The following MGAT4B variants were observed in gnomAD, a reference collection of about 807,000 sequenced individuals.
MGAT4B encodes the protein alpha-1,3-mannosyl-glycoprotein 4-beta-N-acetylglucosaminyltransferase B, also known as N-acetylglucosaminyltransferase IVb.
Under a neutral mutation model 73.9 loss-of-function variants are expected in MGAT4B, and 38 were observed. The observed-to-expected ratio is 0.51, with a 90% CI of 0.40 to 0.67. The LOEUF (loss-of-function observed/expected upper bound fraction) is 0.67. Among genes scored for constraint, MGAT4B ranks in the 30% least tolerant of loss-of-function variants. The pLI is 0.00. For missense variants in MGAT4B, 686 were observed against 735.2 expected, an observed-to-expected ratio of 0.93 and a Z score of 0.77; for synonymous variants, 373 against 313.5, an observed-to-expected ratio of 1.19 and a Z score of -2.01.
chr5:179,799,381 T>C lies in MGAT4B; in HGVS notation c.1042-71A>G, dbSNP rs935619084. ...CCTCAACACGGCCTCTCCTGGGGACTACCAGGGCCCTCCCACAGCTGACAG... is the reference window on the plus strand; with the variant it reads ...CCTCAACACGGCCTCTCCTGGGGACCACCAGGGCCCTCCCACAGCTGACAG... On this transcript the variant is annotated intron_variant, in intron 9 of 14. Coordinates refer to ENST00000292591, the MANE Select transcript of MGAT4B (RefSeq NM_014275.5). 8 of 1,598,868 alleles carry C rather than the reference T, an allele frequency of 5.0e-6. No homozygotes were observed. In the African/African-American group the frequency reaches 1.1e-4, roughly 21 times the overall value.
chr5:179,800,131 G>C (rs1219452217), intron 7 of MGAT4B, 53 bp downstream of exon 7: 1 of 1,609,862 alleles, frequency 6.2e-7, no homozygotes, highest in Non-Finnish European at 8.5e-7. Context: ...CAGACCCATC[G>C]CAGGGCAGGG....
intron 11 of MGAT4B, 46 bp downstream of exon 11, chr5:179,798,882 C>T: frequency 6.2e-7 from 1 of 1,604,098 alleles, no homozygotes; most frequent in Non-Finnish European, 8.5e-7. Flanking sequence ...ACCCTGGGGG[C>T]CACCCAGCCC....
intron 11 of MGAT4B, 41 bp downstream of exon 11, chr5:179,798,887 C>G: frequency 6.2e-7 from 1 of 1,608,000 alleles, no homozygotes; most frequent in Admixed American, 1.7e-5. Context: ...GGGGGCCACC[C>G]AGCCCCGCCC....
Position 179,801,240 on chromosome 5 carries a change from C to G in MGAT4B, c.558+94G>C. The G allele has an allele frequency of 6.9e-7, 1 of 1,456,960 alleles. No individual in the cohort carries two copies. The highest frequency in any genetic ancestry group is 9.1e-7 in the Non-Finnish European group (1 of 1,099,036). 90.3% of individuals were successfully genotyped at this position (1,456,960 alleles called of 1,614,324 possible). A position where few individuals can be genotyped will look rare whatever the true frequency, so the allele number is the denominator to read the frequency against. ...CGAATGAAACTAGCAACTGAACTTC[C>G]GACAGCTTTCTCCTCGGAATGGTTC... On this transcript the variant is annotated intron_variant, in intron 4 of 14. Coordinates refer to ENST00000292591, the MANE Select transcript of MGAT4B (RefSeq NM_014275.5). The surrounding 1 kb of genome is among the most constrained non-coding windows in gnomAD (Gnocchi z 4.8).
intron 8 of MGAT4B, 50 bp downstream of exon 8, chr5:179,799,904 C>G: frequency 1.3e-6 from 2 of 1,513,126 alleles, no homozygotes; most frequent in Non-Finnish European, 1.8e-6. Flanking sequence ...GAGAGGATGG[C>G]AGAGGCAGGT....
chr5:179,798,306 C>T (rs377397954), intron 13 of MGAT4B, 29 bp from the exon 14 acceptor site: 2 of 1,612,704 alleles, frequency 1.2e-6, no homozygotes, highest in East Asian at 2.2e-5. Flanking sequence ...GAGAGGGTGT[C>T]CCTGAACCCC....
chr5:179,797,747 CG>C lies in MGAT4B; in HGVS notation c.*297del. ...ATTCCAGTGTTCGCGCCAGAGACGG[CG>C]GGCGCCCAAGTAAAAGCTCTTCTAA... is the stretch of plus-strand genomic sequence containing the variant. On this transcript the variant is annotated 3_prime_UTR_variant, in exon 15 of 15. Coordinates refer to ENST00000292591, the MANE Select transcript of MGAT4B (RefSeq NM_014275.5). 2.6e-6 allele frequency: 1 copy of C among 383,010 alleles called. No homozygotes were observed. The highest frequency in any genetic ancestry group is 4.7e-6 in the Non-Finnish European group (1 of 213,356). The allele number at this position is 383,010 out of a possible 1,614,324, so 23.7% of individuals were successfully genotyped here. A position where few individuals can be genotyped will look rare whatever the true frequency, so the allele number is the denominator to read the frequency against.
chr5:179,806,701 C>A lies in MGAT4B; in HGVS notation c.-118G>T, dbSNP rs1426847862. On this transcript the variant is annotated 5_prime_UTR_variant, in exon 1 of 15. Coordinates refer to ENST00000292591, the MANE Select transcript of MGAT4B (RefSeq NM_014275.5). The surrounding 1 kb of genome is among the most constrained non-coding windows in gnomAD (Gnocchi z 4.6). ...GGCGGCAGGGGCCCCGGCCCCGGGT[C>A]GGGGAGGGGCGGGGGGCCCGGGGCC... is the stretch of plus-strand genomic sequence containing the variant. 4 of 94,580 alleles carry A rather than the reference C, an allele frequency of 4.2e-5. No homozygotes were observed. In the South Asian group the frequency reaches 1.2e-3, roughly 28 times the overall value. The allele number at this position is 94,580 out of a possible 1,614,324, so 5.9% of individuals were successfully genotyped here. A position where few individuals can be genotyped will look rare whatever the true frequency, so the allele number is the denominator to read the frequency against.
rs1052279413 is a variant in MGAT4B at position 179,797,806 on chromosome 5, G to A, written c.*239C>T. On this transcript the variant is annotated 3_prime_UTR_variant, in exon 15 of 15. Transcript: ENST00000292591. ...TGACTGGGGCAGGCCGGGTGCGAAC[G>A]GTTCCGGGCCTCAGGCACAGTGTGG... is the stretch of plus-strand genomic sequence containing the variant. 31 of 500,194 alleles carry A rather than the reference G, an allele frequency of 6.2e-5. No homozygotes were observed. Among genetic ancestry groups the A allele is most frequent in the Non-Finnish European group, 8.0e-5 (23 of 288,414 alleles). 31.0% of individuals were successfully genotyped at this position (500,194 alleles called of 1,614,324 possible).
At chr5:179,802,012 CCA>C in intron 1 of MGAT4B, 43 bp from the exon 2 acceptor site, 1 of 1,613,290 alleles carries the variant, frequency 6.2e-7, no homozygotes, top group Non-Finnish European at 8.5e-7. Flanking sequence ...CGGTCTAGAG[CCA>C]CCCTACGGGC....
chr5:179,805,353 C>T (rs1286650434), intron 1 of MGAT4B: 1 of 152,370 alleles, frequency 6.6e-6, no homozygotes, highest in Non-Finnish European at 1.5e-5. Flanking sequence ...GGTGACACAC[C>T]CTACCTACAG....
rs748605549 is a variant in MGAT4B, at chr5:179,798,397, C to T, written c.1460G>A (p.Arg487His). The change falls in exon 13 of 15, where the codon CGC becomes CAC. Residue 487 changes from arginine to histidine, a missense_variant. Coordinates refer to ENST00000292591, the MANE Select transcript of MGAT4B (RefSeq NM_014275.5). ...QSDKEALQEG[R>H]TATLRYPRSP... Reference sequence around the variant, plus strand: ...CCGAGGGTACCGGAGGGTGGCGGTGCGGCCCTCCTGCAGGGCCTCCTTGTC... The same window carrying T: ...CCGAGGGTACCGGAGGGTGGCGGTGTGGCCCTCCTGCAGGGCCTCCTTGTC... 4.5e-5 allele frequency: 73 copies of T among 1,612,488 alleles called. No individual in the cohort carries two copies. The highest frequency in any genetic ancestry group is 2.5e-4 in the Admixed American group (15 of 59,966).
At chr5:179,798,462 G>T in intron 12 of MGAT4B, 28 bp from the exon 13 acceptor site, 1 of 1,613,084 alleles carries the variant, frequency 6.2e-7, no homozygotes, top group Non-Finnish European at 8.5e-7. Context: ...GGCTGAGGCA[G>T]GTGGTCACAG....
Position 179,797,973 on chromosome 5 carries a change from G to GA in MGAT4B, c.*71dup. 1 of 1,546,360 alleles carries GA rather than the reference G, an allele frequency of 6.5e-7. No homozygotes were observed. Among genetic ancestry groups the GA allele is most frequent in the Non-Finnish European group, 8.8e-7 (1 of 1,138,778 alleles). On this transcript the variant is annotated 3_prime_UTR_variant, in exon 15 of 15. Transcript: ENST00000292591. Reference sequence around the variant, plus strand: ...GCGGGGCCGTATCTGGCCCTCCGGGGACGGCAGTGACGACACCCCCAGAAA... The same window carrying GA: ...GCGGGGCCGTATCTGGCCCTCCGGGGAACGGCAGTGACGACACCCCCAGAAA...
Position 179,801,671 on chromosome 5 carries a change from T to C in MGAT4B, c.307A>G (p.Asn103Asp), listed in dbSNP as rs1292320670. 3.7e-6 allele frequency: 6 copies of C among 1,608,046 alleles called. No individual in the cohort carries two copies. In the East Asian group the frequency reaches 1.3e-4, roughly 36 times the overall value. ...LTEDPRLKPWNGSHRHVLHLP... is the reference protein window; with the variant it reads ...LTEDPRLKPWDGSHRHVLHLP... ...TGCAGCACGTGCCGGTGTGAGCCGT[T>C]CCACGGCTTCAATCGGGGGTCCTCT... The change falls in exon 3 of 15, where the codon AAC becomes GAC. Residue 103 changes from asparagine (N) to aspartate (D), a missense_variant. Asn to Asp is a conservative substitution (Grantham distance 23, BLOSUM62 1). Around this residue, in one of 2 missense-constraint regions of MGAT4B, gnomAD observed 237 missense variants for 198.5 expected, o/e 1.19. Transcript: ENST00000292591. The surrounding 1 kb of genome is among the most constrained non-coding windows in gnomAD (Gnocchi z 4.8).
Position 179,800,046 on chromosome 5 carries a change from T to C in MGAT4B, c.818A>G (p.Lys273Arg). 6.2e-7 allele frequency: 1 copy of C among 1,614,018 alleles called. No individual in the cohort carries two copies. Among genetic ancestry groups the C allele is most frequent in the South Asian group, 1.1e-5 (1 of 91,090 alleles). The change falls in exon 8 of 15, where the codon AAG (lysine) becomes AGG (arginine). Residue 273 changes from lysine (K) to arginine (R), a missense_variant. Transcript: ENST00000292591. ...CTTCATGGTGCTCAGGTAGTTGGGC[T>C]TGGCCACGATGTCATCCTCCAGCTG... ...YVQLEDDIVAKPNYLSTMKNF... is the reference protein window; with the variant it reads ...YVQLEDDIVARPNYLSTMKNF...
In MGAT4B at chr5:179,800,001, G is replaced by T. The variant is rs773144922; in HGVS notation, c.863C>A (p.Pro288His). ...CTCCAGGATCATCCAGTCCTCTGAAGGCTGCTGCAGTGCAAAGTTCTTCAT... is the reference window on the plus strand; with the variant it reads ...CTCCAGGATCATCCAGTCCTCTGAATGCTGCTGCAGTGCAAAGTTCTTCAT... ...STMKNFALQQ[P>H]SEDWMILEFS... The change falls in exon 8 of 15, where the codon CCT becomes CAT. Residue 288 changes from proline to histidine, a missense_variant. Pro to His is a moderately conservative substitution (Grantham distance 77, BLOSUM62 -2). Coordinates refer to ENST00000292591, the MANE Select transcript of MGAT4B (RefSeq NM_014275.5). 6.2e-7 allele frequency: 1 copy of T among 1,613,914 alleles called. No individual in the cohort carries two copies. Among genetic ancestry groups the T allele is most frequent in the Non-Finnish European group, 8.5e-7 (1 of 1,180,022 alleles).
At chr5:179,799,674 C>A in intron 8 of MGAT4B, 38 bp from the exon 9 acceptor site, 1 of 1,611,628 alleles carries the variant, frequency 6.2e-7, no homozygotes, top group Non-Finnish European at 8.5e-7. Flanking sequence ...TGCTGCTCTG[C>A]CTACTTCCTT....
Position 179,798,387 on chromosome 5 carries a change from G to A in MGAT4B, c.1470C>T (p.Thr490=), listed in dbSNP as rs756855303. 1.2e-6 allele frequency: 2 copies of A among 1,612,894 alleles called. No homozygotes were observed. Among genetic ancestry groups the A allele is most frequent in the Admixed American group, 3.3e-5 (2 of 60,014 alleles). The change falls in exon 13 of 15, where the codon ACC becomes ACT. Residue 490 remains threonine, a synonymous_variant. Coordinates refer to ENST00000292591, the MANE Select transcript of MGAT4B (RefSeq NM_014275.5). ...CGTCGGGGCTCCGAGGGTACCGGAG[G>A]GTGGCGGTGCGGCCCTCCTGCAGGG... ...KEALQEGRTA[T]LRYPRSPDGY...
Sources: gnomAD v4.1 joint callset for allele counts on GRCh38, gnomAD v4.1.1 for gene constraint, gnomAD v4.1.1 regional missense constraint, Gnocchi (gnomAD v3.1) non-coding constraint, MANE v1.5 for transcripts, NCBI Gene and HGNC (gene_info 2026-07-23, HGNC 2026-07-21) for gene names.